Variants in ZNF385B observed in about 807,000 individuals in gnomAD.
ZNF385B encodes the protein zinc finger protein 533.
Under a neutral mutation model 39.2 loss-of-function variants are expected in ZNF385B, and 23 were observed. That is an observed-to-expected ratio of 0.59 (90% CI 0.42 to 0.83). The LOEUF (loss-of-function observed/expected upper bound fraction) is 0.83, where lower values mean the gene tolerates loss of function less well. Ranked by LOEUF, ZNF385B falls within the 40% of genes least tolerant of loss-of-function variation. The pLI, the probability that ZNF385B is intolerant of heterozygous loss-of-function variation, is 0.00. For synonymous variants in ZNF385B, 205 were observed against 222.6 expected (o/e 0.92, Z 0.70); for missense variants, 552 against 598.9 (o/e 0.92, Z 0.82).
intron 3 of ZNF385B, among the ~76,000 whole-genome samples, chr2:179,763,753 A>C (rs1703532847): frequency 6.6e-6 from 1 of 152,158 alleles, no homozygotes; most frequent in African/African-American, 2.4e-5. Flanking sequence ...AGATTATTTA[A>C]GAGATATATT....
At chr2:179,842,248 T>A (rs1708574197) in intron 1 of ZNF385B, among the ~76,000 whole-genome samples, 1 of 152,184 alleles carries the variant, frequency 6.6e-6, no homozygotes, top group Non-Finnish European at 1.5e-5. Context: ...ATTATTAATA[T>A]AACTAAACTT....
intron 3 of ZNF385B, 34 bp downstream of exon 3, chr2:179,769,469 C>T (rs376666908): frequency 9.9e-6 from 16 of 1,609,868 alleles, no homozygotes; most frequent in South Asian, 4.4e-5. Flanking sequence ...CATCTCTCCC[C>T]GCAGCACATG....
chr2:179,751,686 G>A (rs978779352), intron 3 of ZNF385B, among the ~76,000 whole-genome samples: 2 of 151,910 alleles, frequency 1.3e-5, no homozygotes, highest in African/African-American at 4.8e-5. Context: ...AGGATCCTGG[G>A]GGCGTCAAAG....
chr2:179,452,471 T>C (rs916949852), intron 6 of ZNF385B, among the ~76,000 whole-genome samples: 1 of 152,012 alleles, frequency 6.6e-6, no homozygotes, highest in African/African-American at 2.4e-5. Flanking sequence ...CCTCTTGGCA[T>C]ATGGAAGAGT....
chr2:179,838,904 G>T, intron 1 of ZNF385B, among the ~76,000 whole-genome samples: 1 of 134,430 alleles, frequency 7.4e-6, no homozygotes, highest in Non-Finnish European at 1.6e-5. Flanking sequence ...CTAAATATGA[G>T]TTATTACTGT....
intron 3 of ZNF385B, among the ~76,000 whole-genome samples, chr2:179,565,605 G>A (rs965038726): frequency 1.3e-5 from 2 of 152,180 alleles, no homozygotes; most frequent in African/African-American, 4.8e-5. Flanking sequence ...CTTACACTTC[G>A]TAGTTGCTCC....
chr2:179,645,783 G>A (rs1692669128), intron 3 of ZNF385B, among the ~76,000 whole-genome samples: 2 of 152,164 alleles, frequency 1.3e-5, no homozygotes, highest in South Asian at 4.1e-4. Context: ...GCTCATTGAT[G>A]GGTCTCAGTT....
chr2:179,596,315 A>G (rs975205071), intron 3 of ZNF385B, among the ~76,000 whole-genome samples: 3 of 152,166 alleles, frequency 2.0e-5, no homozygotes, highest in Non-Finnish European at 4.4e-5. Context: ...GTAGTTTGAA[A>G]CTAAGTAGTT....
At chr2:179,693,573 C>T (rs538835049) in intron 3 of ZNF385B, among the ~76,000 whole-genome samples, 26 of 152,024 alleles carry the variant, frequency 1.7e-4, no homozygotes, top group Non-Finnish European at 3.2e-4. Context: ...TCTTAGAGTT[C>T]GATAACTAAT....
At chr2:179,652,185 A>G (rs1359083515) in intron 3 of ZNF385B, among the ~76,000 whole-genome samples, 2 of 152,284 alleles carry the variant, frequency 1.3e-5, no homozygotes, top group Non-Finnish European at 2.9e-5. Context: ...AGATACACAA[A>G]TAATGCTATT....
chr2:179,461,964 C>T (rs1218862994), intron 6 of ZNF385B, among the ~76,000 whole-genome samples: 3 of 152,098 alleles, frequency 2.0e-5, no homozygotes, highest in Non-Finnish European at 2.9e-5. Context: ...AGCCCCAAAA[C>T]TTGAAAAAAG....
chr2:179,596,056 T>C (rs1377466247), intron 3 of ZNF385B, among the ~76,000 whole-genome samples: 1 of 152,228 alleles, frequency 6.6e-6, no homozygotes, highest in Non-Finnish European at 1.5e-5. Flanking sequence ...CTTTAGTGGA[T>C]GGACTTTTAA....
chr2:179,632,014 C>T (rs1425095098), intron 3 of ZNF385B, among the ~76,000 whole-genome samples: 1 of 152,122 alleles, frequency 6.6e-6, no homozygotes, highest in African/African-American at 2.4e-5. Context: ...TATATATGCA[C>T]CCATTTCAAG....
chr2:179,666,324 A>T (rs3112967), intron 3 of ZNF385B, among the ~76,000 whole-genome samples: 4,297 of 152,294 alleles, frequency 0.028, 194 homozygotes, highest in African/African-American at 0.097. Flanking sequence ...TGAGAGGCAT[A>T]TGGCAATAGC....
At chr2:179,454,860 A>T (rs140753533) in intron 6 of ZNF385B, among the ~76,000 whole-genome samples, 2 of 152,250 alleles carry the variant, frequency 1.3e-5, no homozygotes, top group Non-Finnish European at 2.9e-5. Context: ...CAAAAAAGTC[A>T]AAAGTTTAAA....
intron 3 of ZNF385B, among the ~76,000 whole-genome samples, chr2:179,658,611 C>A (rs143484784): frequency 6.6e-6 from 1 of 152,198 alleles, no homozygotes; most frequent in Non-Finnish European, 1.5e-5. Flanking sequence ...GAAATTAAGG[C>A]AAAACTTGAA....
intron 3 of ZNF385B, chr2:179,576,070 G>A (rs1574868558): frequency 3.3e-6 from 3 of 908,352 alleles, no homozygotes; most frequent in East Asian, 1.2e-4. Context: ...CACTTGCCCC[G>A]TACCTCTCCT....
chr2:179,514,436 TTGCTA>T lies in ZNF385B; in HGVS notation c.552+4087_552+4091del, dbSNP rs1430789326. 1.2e-4 allele frequency among the ~76,000 whole-genome samples: 19 copies of T among 152,320 alleles called. No homozygotes were observed. In the East Asian group the frequency reaches 3.1e-3, roughly 25 times the overall value. ...TTCCATCTACTACCTTAATTCTGCT[TTGCTA>T]TGTAAGATATATTAACAGGTTCCAG... On this transcript the variant is annotated intron_variant, in intron 5 of 9. Transcript: ENST00000410066.
intron 3 of ZNF385B, among the ~76,000 whole-genome samples, chr2:179,670,998 C>T (rs780788289): frequency 1.3e-5 from 2 of 152,228 alleles, no homozygotes; most frequent in African/African-American, 2.4e-5. Flanking sequence ...ATGATAATGG[C>T]ACCCACCTCA....
Sources: gnomAD v4.1 joint callset for allele counts (sites outside exome capture counted in the v4.1 genomes callset) on GRCh38, gnomAD v4.1.1 for gene constraint, MANE v1.5 for transcripts, NCBI Gene and HGNC (gene_info 2026-07-23, HGNC 2026-07-21) for gene names.